Variants in GALNT10 observed in about 807,000 individuals in gnomAD.
GALNT10 encodes the protein GalNAc transferase 10.
In GALNT10, 41 loss-of-function variants were observed where a neutral mutation model predicts 75.0. That is an observed-to-expected ratio of 0.55 (90% CI 0.43 to 0.71). The LOEUF (loss-of-function observed/expected upper bound fraction) is 0.71. Among genes scored for constraint, GALNT10 ranks in the 30% least tolerant of loss-of-function variants. The pLI, the probability that GALNT10 is intolerant of heterozygous loss-of-function variation, is 0.00. For missense variants in GALNT10, 727 were observed against 818.5 expected (o/e 0.89, Z 1.36); for synonymous variants, 302 against 313.0 (o/e 0.96, Z 0.37).
At chr5:154,262,451 C>A (rs375560430) in intron 1 of GALNT10, among the ~76,000 whole-genome samples, 1 of 152,174 alleles carries the variant, frequency 6.6e-6, no homozygotes, top group African/African-American at 2.4e-5. Flanking sequence ...CAGTGCTACA[C>A]CCCATTGTAG....
chr5:154,259,537 T>G (rs534987), intron 1 of GALNT10, among the ~76,000 whole-genome samples: 37,190 of 152,088 alleles, frequency 0.24, 5,530 homozygotes, highest in African/African-American at 0.42. Context: ...TTTCTTCAAA[T>G]GATATTTTAT....
rs1754304105 is a variant in GALNT10, at chr5:154,297,851, G to A, written c.263-90G>A. 4.2e-6 allele frequency: 5 copies of A among 1,190,848 alleles called. No individual in the cohort carries two copies. In the African/African-American group the frequency reaches 6.1e-5, roughly 15 times the overall value. 73.8% of individuals were successfully genotyped at this position (1,190,848 alleles called of 1,614,324 possible). On this transcript the variant is annotated intron_variant, in intron 2 of 11. Transcript: ENST00000297107. The stretch of plus-strand genomic sequence containing the variant: ...TATCCAAATCAAGTTTTATCTTGGA[G>A]GTTTAATCATATTTTTCATCCTTTT...
At chr5:154,332,539 G>C (rs1408837924) in intron 4 of GALNT10, among the ~76,000 whole-genome samples, 1 of 152,176 alleles carries the variant, frequency 6.6e-6, no homozygotes, top group Admixed American at 6.5e-5. Flanking sequence ...CTGCATGCGC[G>C]GTTACATGGC....
At chr5:154,244,200 C>A (rs543726638) in intron 1 of GALNT10, among the ~76,000 whole-genome samples, 1 of 152,160 alleles carries the variant, frequency 6.6e-6, no homozygotes, top group African/African-American at 2.4e-5. Flanking sequence ...TGATGGATTA[C>A]GTAGTTAGAT....
At chr5:154,213,595 G>A (rs998500375) in intron 1 of GALNT10, among the ~76,000 whole-genome samples, 1 of 152,136 alleles carries the variant, frequency 6.6e-6, no homozygotes, top group South Asian at 2.1e-4. Flanking sequence ...AGTCTATGCC[G>A]TGGGGTTATT....
chr5:154,287,890 C>CTCTG (rs1554097230), intron 1 of GALNT10, among the ~76,000 whole-genome samples: 1 of 145,230 alleles, frequency 6.9e-6, no homozygotes, highest in Non-Finnish European at 1.5e-5. Flanking sequence ...AATTGCTTTG[C>CTCTG]TGTGTGTGTG....
intron 4 of GALNT10, among the ~76,000 whole-genome samples, chr5:154,342,280 G>A (rs1029067180): frequency 2.6e-5 from 4 of 152,242 alleles, no homozygotes; most frequent in African/African-American, 7.2e-5. Flanking sequence ...AGAGAACCCT[G>A]AGGAGAACTT....
chr5:154,416,162 G>A lies in GALNT10; in HGVS notation c.1653+230G>A, dbSNP rs960184444. Among the ~76,000 whole-genome samples, 4 of 152,270 alleles carry A rather than the reference G, an allele frequency of 2.6e-5. No homozygotes were observed. The highest frequency in any genetic ancestry group is 1.9e-4 in the East Asian group (1 of 5,180). On this transcript the variant is annotated intron_variant, in intron 11 of 11. Transcript: ENST00000297107. This position sits in a 1 kb window ranked among gnomAD's most constrained non-coding sequence, Gnocchi z 4.5. Reference sequence around the variant, plus strand: ...TCCATTTAAAAAGAAAAGTGCAGCCGGGCACAGTGGCTCATGCCTGTAATC... The same window carrying A: ...TCCATTTAAAAAGAAAAGTGCAGCCAGGCACAGTGGCTCATGCCTGTAATC...
chr5:154,257,531 A>G (rs926265014), intron 1 of GALNT10, among the ~76,000 whole-genome samples: 4 of 152,080 alleles, frequency 2.6e-5, no homozygotes, highest in South Asian at 2.1e-4. Flanking sequence ...GTAACTGAAA[A>G]GATGGCACGT....
chr5:154,283,233 C>G (rs978832249), intron 1 of GALNT10, among the ~76,000 whole-genome samples: 3 of 141,134 alleles, frequency 2.1e-5, no homozygotes, highest in African/African-American at 7.9e-5. Context: ...CACCTAAGGC[C>G]AGGAGGTTGA....
At chr5:154,326,425 C>G (rs1581974919) in intron 3 of GALNT10, among the ~76,000 whole-genome samples, 1 of 152,230 alleles carries the variant, frequency 6.6e-6, no homozygotes, top group South Asian at 2.1e-4. Flanking sequence ...GAAAACATGT[C>G]TACATAAAAA....
chr5:154,399,324 G>A (rs571038923), intron 7 of GALNT10, among the ~76,000 whole-genome samples: 2 of 152,294 alleles, frequency 1.3e-5, no homozygotes, highest in South Asian at 4.1e-4. Flanking sequence ...GCCCGTCCTT[G>A]GAAGGAGAGT....
chr5:154,313,907 T>C (rs527798102), intron 3 of GALNT10, among the ~76,000 whole-genome samples: 1 of 152,324 alleles, frequency 6.6e-6, no homozygotes, highest in East Asian at 1.9e-4. Flanking sequence ...CCTCTTATTC[T>C]GGTGGAGCTG....
intron 1 of GALNT10, among the ~76,000 whole-genome samples, chr5:154,231,283 C>T (rs1360679271): frequency 1.3e-5 from 2 of 152,172 alleles, no homozygotes; most frequent in African/African-American, 4.8e-5. Context: ...TAATAGCAGA[C>T]GGTAGGTTGT....
intron 3 of GALNT10, among the ~76,000 whole-genome samples, chr5:154,318,814 C>T (rs1361044394): frequency 6.6e-6 from 1 of 152,240 alleles, no homozygotes. Flanking sequence ...GTGTGTCAAT[C>T]AACATCCCCA....
At chr5:154,267,012 T>C (rs542916455) in intron 1 of GALNT10, among the ~76,000 whole-genome samples, 18 of 152,330 alleles carry the variant, frequency 1.2e-4, no homozygotes, top group African/African-American at 4.3e-4. Context: ...TCTGCTAATA[T>C]TGGAGTTAAT....
At chr5:154,275,046 A>G (rs373755415) in intron 1 of GALNT10, among the ~76,000 whole-genome samples, 8 of 152,194 alleles carry the variant, frequency 5.3e-5, no homozygotes, top group Admixed American at 1.3e-4. Flanking sequence ...ACACTGGCTC[A>G]TTCCATGACC....
intron 1 of GALNT10, among the ~76,000 whole-genome samples, chr5:154,215,218 C>A (rs555533609): frequency 2.6e-4 from 40 of 152,054 alleles, no homozygotes; most frequent in Non-Finnish European, 4.9e-4. Context: ...CGCAGTGGCT[C>A]ACGCCTGTAA....
intron 5 of GALNT10, among the ~76,000 whole-genome samples, chr5:154,377,023 C>G (rs1755660054): frequency 6.6e-6 from 1 of 152,242 alleles, no homozygotes; most frequent in Non-Finnish European, 1.5e-5. Flanking sequence ...GCTCCAAAGT[C>G]TATTCTCCTT....
Sources: gnomAD v4.1 joint callset for allele counts (sites outside exome capture counted in the v4.1 genomes callset) on GRCh38, gnomAD v4.1.1 for gene constraint, Gnocchi (gnomAD v3.1) non-coding constraint, MANE v1.5 for transcripts, NCBI Gene and HGNC (gene_info 2026-07-23, HGNC 2026-07-21) for gene names.